CDH20: variants seen among roughly 807,000 people sequenced by gnomAD.
CDH20 encodes the protein cadherin-20.
In CDH20, 29 loss-of-function variants were observed where a neutral mutation model predicts 74.2. That is an observed-to-expected ratio of 0.39 (90% CI 0.29 to 0.53). The LOEUF (loss-of-function observed/expected upper bound fraction) is 0.53. Among genes scored for constraint, CDH20 ranks in the 20% least tolerant of loss-of-function variants. The pLI, the probability that CDH20 is intolerant of heterozygous loss-of-function variation, is 0.69. For synonymous variants in CDH20, 469 were observed against 405.4 expected, an observed-to-expected ratio of 1.16 and a Z score of -1.88; for missense variants, 988 against 1,048.3, an observed-to-expected ratio of 0.94 and a Z score of 0.79.
chr18:61,434,903 T>C (rs1023994580), intron 1 of CDH20, among the ~76,000 whole-genome samples: 2 of 152,180 alleles, frequency 1.3e-5, no homozygotes, highest in African/African-American at 2.4e-5. Flanking sequence ...TTCTCTTACA[T>C]GTCTAAGATA....
At chr18:61,479,494 TACTA>T (rs1488018738) in intron 1 of CDH20, among the ~76,000 whole-genome samples, 5 of 152,326 alleles carry the variant, frequency 3.3e-5, no homozygotes, top group East Asian at 3.9e-4. Context: ...TATATTTCAG[TACTA>T]ACTAAAAGAA....
At chr18:61,346,019 A>G (rs1446403017) in intron 1 of CDH20, among the ~76,000 whole-genome samples, 3 of 152,196 alleles carry the variant, frequency 2.0e-5, no homozygotes, top group Admixed American at 1.3e-4. Context: ...CCTTGAGCCA[A>G]TGTGTGACAG....
At chr18:61,541,655 T>C (rs903116015) in intron 9 of CDH20, among the ~76,000 whole-genome samples, 2 of 152,136 alleles carry the variant, frequency 1.3e-5, no homozygotes, top group Non-Finnish European at 2.9e-5. Context: ...CTCTGGGAAA[T>C]GTTTTGAAGA....
At chr18:61,418,302 C>A (rs888517595) in intron 1 of CDH20, among the ~76,000 whole-genome samples, 1 of 152,114 alleles carries the variant, frequency 6.6e-6, no homozygotes, top group African/African-American at 2.4e-5. Context: ...CGCCTGTAAT[C>A]CCAGCACTTT....
At chr18:61,337,953 T>C (rs1182686919) in intron 1 of CDH20, among the ~76,000 whole-genome samples, 1 of 152,234 alleles carries the variant, frequency 6.6e-6, no homozygotes, top group Non-Finnish European at 1.5e-5. Flanking sequence ...AGCATTGTTA[T>C]AAAAGCATTA....
rs759196742 is a variant in CDH20 at position 61,528,177 on chromosome 18, A to C, written c.1228A>C (p.Ile410Leu). The change falls in exon 7 of 12, where the codon ATC becomes CTC. Residue 410 changes from isoleucine to leucine, a missense_variant. Ile to Leu is a conservative substitution (Grantham distance 5). This residue lies in a region of CDH20 where 613 missense variants were observed against 755.2 expected (regional missense o/e 0.81). Coordinates refer to ENST00000262717, the MANE Select transcript of CDH20 (RefSeq NM_031891.4). ...EDVAIGTTIQ[I>L]ISAKDPDVTN... ...TGTGGCGATTGGAACAACCATACAG[A>C]TCATTTCTGCCAAGGACCCAGATGT... 3 of 1,613,970 alleles carry C rather than the reference A, an allele frequency of 1.9e-6. No homozygotes were observed. In the African/African-American group the frequency reaches 4.0e-5, roughly 22 times the overall value.
intron 5 of CDH20, among the ~76,000 whole-genome samples, chr18:61,505,242 G>A (rs1258089106): frequency 7.2e-5 from 11 of 152,128 alleles, no homozygotes; most frequent in Non-Finnish European, 1.0e-4. Context: ...ACATATTGCC[G>A]GGAGTCATGT....
intron 1 of CDH20, among the ~76,000 whole-genome samples, chr18:61,413,252 A>G (rs1014511029): frequency 6.6e-6 from 1 of 152,190 alleles, no homozygotes; most frequent in Non-Finnish European, 1.5e-5. Context: ...TATGAAATCC[A>G]CATTCTGCTG....
intron 1 of CDH20, among the ~76,000 whole-genome samples, chr18:61,478,418 T>G (rs139324625): frequency 6.6e-6 from 1 of 152,242 alleles, no homozygotes; most frequent in African/African-American, 2.4e-5. Context: ...CTAATAACTG[T>G]TTAATTCAAT....
At chr18:61,510,924 A>G (rs1417842866) in intron 6 of CDH20, among the ~76,000 whole-genome samples, 1 of 151,962 alleles carries the variant, frequency 6.6e-6, no homozygotes. Flanking sequence ...GTAACTGTAA[A>G]TAAGGGAAAT....
At chr18:61,345,240 T>C (rs1910077830) in intron 1 of CDH20, among the ~76,000 whole-genome samples, 1 of 152,252 alleles carries the variant, frequency 6.6e-6, no homozygotes, top group Admixed American at 6.5e-5. Context: ...TGGAAGTCCC[T>C]AAGTCTATGT....
chr18:61,492,339 T>C (rs1456842397), intron 2 of CDH20, among the ~76,000 whole-genome samples: 3 of 152,102 alleles, frequency 2.0e-5, no homozygotes, highest in Non-Finnish European at 2.9e-5. Context: ...CCATCATCTG[T>C]CACCTGGGCA....
intron 1 of CDH20, among the ~76,000 whole-genome samples, chr18:61,335,382 G>A (rs1253252876): frequency 1.3e-5 from 2 of 152,206 alleles, no homozygotes; most frequent in African/African-American, 2.4e-5. Context: ...AGCTGATGCA[G>A]CAGAAAGCTG....
intron 7 of CDH20, 139 bp downstream of exon 7, chr18:61,528,359 G>GCT (rs1555683448): frequency 2.1e-5 from 13 of 623,410 alleles, no homozygotes; most frequent in African/African-American, 1.9e-4. Context: ...TTTTTGTGTT[G>GCT]TTTTTTTTTT....
intron 1 of CDH20, among the ~76,000 whole-genome samples, chr18:61,481,798 A>T (rs747002705): frequency 6.6e-6 from 1 of 151,824 alleles, no homozygotes; most frequent in Non-Finnish European, 1.5e-5. Flanking sequence ...TTCTCCCCAT[A>T]CCCAGCCTTC....
chr18:61,397,740 G>A (rs1912031477), intron 1 of CDH20, among the ~76,000 whole-genome samples: 1 of 152,126 alleles, frequency 6.6e-6, no homozygotes, highest in African/African-American at 2.4e-5. Flanking sequence ...TACTAGCCGT[G>A]TAACCTTAGG....
At chr18:61,531,008 T>C (rs893679776) in intron 7 of CDH20, among the ~76,000 whole-genome samples, 2 of 152,200 alleles carry the variant, frequency 1.3e-5, no homozygotes, top group Non-Finnish European at 2.9e-5. Flanking sequence ...AATGTAATGG[T>C]TAAGAAAAGA....
intron 1 of CDH20, among the ~76,000 whole-genome samples, chr18:61,463,331 T>C (rs1269725001): frequency 6.6e-6 from 1 of 152,146 alleles, no homozygotes; most frequent in Non-Finnish European, 1.5e-5. Context: ...TCCCTCATCC[T>C]CCCAGAGCTT....
intron 1 of CDH20, among the ~76,000 whole-genome samples, 152 bp from the exon 2 acceptor site, chr18:61,490,250 A>C (rs752377908): frequency 1.1e-4 from 17 of 152,300 alleles, no homozygotes; most frequent in South Asian, 4.1e-4. Flanking sequence ...AATAGTATTT[A>C]TTACTCAAAC....
Sources: gnomAD v4.1 joint callset for allele counts (sites outside exome capture counted in the v4.1 genomes callset) on GRCh38, gnomAD v4.1.1 for gene constraint, gnomAD v4.1.1 regional missense constraint, MANE v1.5 for transcripts, NCBI Gene and HGNC (gene_info 2026-07-23, HGNC 2026-07-21) for gene names.